The following PIEZO1 variants were observed in gnomAD, a reference collection of about 807,000 sequenced individuals.
PIEZO1 encodes the protein piezo-type mechanosensitive ion channel component 1.
PIEZO1 carries 296 observed loss-of-function variants against 297.2 expected under a neutral mutation model. That is an observed-to-expected ratio of 1.00 (90% CI 0.91 to 1.10). The LOEUF (loss-of-function observed/expected upper bound fraction) is 1.10. Ranked by LOEUF, PIEZO1 falls within the 50% of genes least tolerant of loss-of-function variation. PIEZO1 has a pLI of 0.00. For missense variants in PIEZO1, 5,018 were observed against 3,455.5 expected, an observed-to-expected ratio of 1.45 and a Z score of -11.34; for synonymous variants, 2,427 against 1,507.5, an observed-to-expected ratio of 1.61 and a Z score of -14.13.
At chr16:88,743,429 G>A (rs767543303) in intron 2 of PIEZO1, 63 of 437,508 alleles carry the variant, frequency 1.4e-4, no homozygotes, top group East Asian at 8.5e-4. Context: ...AGCCACGCCC[G>A]GCCACGAGAA....
At chr16:88,736,779 T>A in intron 10 of PIEZO1, 40 bp from the exon 11 acceptor site, 1 of 1,315,136 alleles carries the variant, frequency 7.6e-7, no homozygotes, top group South Asian at 1.3e-5. Context: ...CAGGTTGATC[T>A]GCAGGCCTCC....
chr16:88,737,189 C>T (rs904947836), intron 10 of PIEZO1: 1 of 272,460 alleles, frequency 3.7e-6, no homozygotes, highest in Non-Finnish European at 7.0e-6. Context: ...CTGCCCTGGA[C>T]GAGCGGCCTC....
chr16:88,721,131 G>C, intron 39 of PIEZO1, 35 bp downstream of exon 39: 1 of 1,456,922 alleles, frequency 6.9e-7, no homozygotes, highest in Non-Finnish European at 9.1e-7. Context: ...CAGAAAACTG[G>C]GTAGGCAGGA....
Position 88,734,066 on chromosome 16 carries a change from T to A in PIEZO1, c.2181-12A>T. ...TCACTGCATCCTGCCTGGGAGAGGG[T>A]CCGAAAATGTCATCTCCCAACTGGG... On this transcript the variant is annotated splice_polypyrimidine_tract_variant and intron_variant, in intron 16 of 50. Transcript: ENST00000301015. 1 of 1,492,336 alleles carries A rather than the reference T, an allele frequency of 6.7e-7. No homozygotes were observed. The highest frequency in any genetic ancestry group is 1.4e-5 in the African/African-American group (1 of 71,368). 92.4% of individuals were successfully genotyped at this position (1,492,336 alleles called of 1,614,324 possible).
rs370140840 is a variant in PIEZO1, at chr16:88,719,902, C to T, written c.6223G>A (p.Ala2075Thr). The T allele has an allele frequency of 8.4e-5, 131 of 1,550,398 alleles. No homozygotes were observed. The highest frequency in any genetic ancestry group is 3.7e-4 in the African/African-American group (27 of 73,150). ...CAGCGGATCTGGTAGGCGGACAGGG[C>T]GAAGTAGATGCACTTCACGAAGTAC... is the stretch of plus-strand genomic sequence containing the variant. ...LWYFVKCIYF[A>T]LSAYQIRCGY... The change falls in exon 43 of 51, where the codon GCC (alanine) becomes ACC (threonine). Residue 2075 changes from alanine to threonine, a missense_variant. Ala to Thr is a moderately conservative substitution (Grantham distance 58, BLOSUM62 0). Transcript: ENST00000301015.
intron 1 of PIEZO1, among the ~76,000 whole-genome samples, chr16:88,769,610 G>C (rs935350224): frequency 6.6e-6 from 1 of 152,206 alleles, no homozygotes; most frequent in African/African-American, 2.4e-5. Flanking sequence ...CCATTCCTGA[G>C]GGTCAGGGCC....
chr16:88,748,495 C>A (rs61374845), intron 2 of PIEZO1, among the ~76,000 whole-genome samples: 14 of 150,236 alleles, frequency 9.3e-5, no homozygotes, highest in East Asian at 1.9e-4. Flanking sequence ...AGCTCCCCCC[C>A]CCCCCCGCAC....
At position 88,765,923 on chromosome 16, in the gene PIEZO1, C is replaced by A. The variant is rs76177396; in HGVS notation, c.65-16444G>T. On this transcript the variant is annotated intron_variant, in intron 1 of 50. Coordinates refer to ENST00000301015, the MANE Select transcript of PIEZO1 (RefSeq NM_001142864.4). ...TCCTGACCTCAGGTGACCCGCCCAC[C>A]CAGGCCTCCCAAGGTGCTGGGGATA... Among the ~76,000 whole-genome samples, 294 of 152,212 alleles carry A rather than the reference C, an allele frequency of 1.9e-3. 3 individuals are homozygous for A. Among genetic ancestry groups the A allele is most frequent in the African/African-American group, 6.9e-3 (287 of 41,544 alleles).
intron 1 of PIEZO1, among the ~76,000 whole-genome samples, chr16:88,764,613 T>C (rs1177488769): frequency 6.6e-6 from 1 of 151,486 alleles, no homozygotes; most frequent in East Asian, 1.9e-4. Context: ...TAGCCGGGCA[T>C]GGTGGCACGT....
At chr16:88,726,985 C>T (rs779459226) in intron 24 of PIEZO1, 27 bp from the exon 25 acceptor site, 66 of 1,549,212 alleles carry the variant, frequency 4.3e-5, no homozygotes, top group South Asian at 3.7e-4. Context: ...TCAGGGCGGG[C>T]GCCCCGGCCA....
At position 88,732,399 on chromosome 16, in the gene PIEZO1, T is replaced by G; in HGVS notation, c.2927A>C (p.Asp976Ala). The G allele has an allele frequency of 1.9e-6, 3 of 1,549,828 alleles. No individual in the cohort carries two copies. The highest frequency in any genetic ancestry group is 2.6e-6 in the Non-Finnish European group (3 of 1,146,560). ...VFASGTRQQL[D>A]QDLLGCLKYF... ...CTTGAGGCAGCCGAGCAGATCCTGGTCCAGCTGCTGGCGGGTGCCGCTGGC... is the reference window on the plus strand; with the variant it reads ...CTTGAGGCAGCCGAGCAGATCCTGGGCCAGCTGCTGGCGGGTGCCGCTGGC... Residue 976 changes from aspartate to alanine, a missense_variant, in exon 21 of 51, where the codon GAC becomes GCC. Physicochemically the swap from Asp to Ala is moderately radical, Grantham distance 126 (BLOSUM62 -2). Transcript: ENST00000301015.
intron 5 of PIEZO1, 139 bp from the exon 6 acceptor site, chr16:88,738,875 G>C: frequency 1.4e-6 from 1 of 732,254 alleles, no homozygotes; most frequent in Non-Finnish European, 2.2e-6. Flanking sequence ...CAGCCTCCCC[G>C]GGCACAGGCC....
intron 1 of PIEZO1, among the ~76,000 whole-genome samples, chr16:88,751,663 T>C (rs997844578): frequency 1.4e-5 from 2 of 145,968 alleles, no homozygotes; most frequent in Non-Finnish European, 3.0e-5. Flanking sequence ...TTGACGATTA[T>C]ACATTTTCAT....
chr16:88,757,316 TGGCGGGG>T (rs140545873), intron 1 of PIEZO1, among the ~76,000 whole-genome samples: 1 of 3,818 alleles, frequency 2.6e-4, no homozygotes, highest in Non-Finnish European at 6.5e-4. Flanking sequence ...GGGGCGTTGC[TGGCGGGG>T]GGGTGGGGGG....
At chr16:88,754,207 C>G (rs566098494) in intron 1 of PIEZO1, among the ~76,000 whole-genome samples, 2 of 152,328 alleles carry the variant, frequency 1.3e-5, no homozygotes, top group South Asian at 4.1e-4. Flanking sequence ...GAGAGGAGCA[C>G]AGTCAGGAGG....
chr16:88,732,406 GC>G lies in PIEZO1; in HGVS notation c.2919del (p.Gln973HisfsTer29). 6.5e-7 allele frequency: 1 copy of G among 1,549,796 alleles called. No homozygotes were observed. Among genetic ancestry groups the G allele is most frequent in the Non-Finnish European group, 8.7e-7 (1 of 1,146,554 alleles). ...AQAVFASGTR[Q>X]QLDQDLLGCL... is the part of the protein sequence containing the mutation. ...CAGCCGAGCAGATCCTGGTCCAGCT[GC>G]TGGCGGGTGCCGCTGGCAAACACGG... On this transcript the variant is annotated frameshift_variant, in exon 21 of 51. Transcript: ENST00000301015. LOFTEE classifies it high-confidence loss of function.
intron 1 of PIEZO1, among the ~76,000 whole-genome samples, chr16:88,773,439 T>C (rs568708261): frequency 2.4e-4 from 36 of 152,314 alleles, no homozygotes; most frequent in African/African-American, 8.7e-4. Context: ...AGGCGACCGA[T>C]GGGCGCAGCA....
chr16:88,765,620 C>G (rs1418388085), intron 1 of PIEZO1, among the ~76,000 whole-genome samples: 1 of 152,050 alleles, frequency 6.6e-6, no homozygotes, highest in Non-Finnish European at 1.5e-5. Context: ...ACAGCAGCGC[C>G]TGGAGCCTGG....
rs1310806073 is a variant in PIEZO1, at chr16:88,722,177, G to C, written c.4955+41C>G. 52 of 1,532,320 alleles carry C rather than the reference G, an allele frequency of 3.4e-5. No homozygotes were observed. In the Middle Eastern group the frequency reaches 6.4e-4, roughly 19 times the overall value. The allele number at this position is 1,532,320 out of a possible 1,614,324, so 94.9% of individuals were successfully genotyped here. ...CTGCCCCTGTTCGGCTGCTCCCCGAGGGCCATGGTGAGGCTGGTGTTGTGC... is the reference window on the plus strand; with the variant it reads ...CTGCCCCTGTTCGGCTGCTCCCCGACGGCCATGGTGAGGCTGGTGTTGTGC... On this transcript the variant is annotated intron_variant, in intron 36 of 50. Transcript: ENST00000301015.
Sources: gnomAD v4.1 joint callset for allele counts (sites outside exome capture counted in the v4.1 genomes callset) on GRCh38, gnomAD v4.1.1 for gene constraint, MANE v1.5 for transcripts, NCBI Gene and HGNC (gene_info 2026-07-23, HGNC 2026-07-21) for gene names.